Variants in SLC41A2 observed in about 807,000 individuals in gnomAD.
SLC41A2 encodes the protein SLC41A1-like 1.
A neutral mutation model predicts 58.3 loss-of-function variants in SLC41A2; 32 were observed. The ratio of observed to expected loss-of-function variants is 0.55; its 90% confidence interval spans 0.41 to 0.74. The LOEUF is 0.74. SLC41A2 is among the 30% of genes least tolerant of loss of function. The pLI is 0.00. For synonymous variants in SLC41A2, 190 were observed against 235.0 expected, an observed-to-expected ratio of 0.81 and a Z score of 1.75; for missense variants, 514 against 680.6, an observed-to-expected ratio of 0.76 and a Z score of 2.72.
intron 10 of SLC41A2, among the ~76,000 whole-genome samples, chr12:104,832,691 G>T (rs1024459332): frequency 3.3e-5 from 5 of 151,712 alleles, no homozygotes; most frequent in Non-Finnish European, 5.9e-5. Context: ...AACACTTCAC[G>T]CTATACCTGA....
In SLC41A2 at chr12:104,802,262, G is replaced by T. The variant is rs893873899; in HGVS notation, c.*2890C>A. Reference sequence around the variant, plus strand: ...AAAGTGGCTGATAAATTAGTGAAAAGGAAGAAGTTTGGAAAGCAGAAGTTT... The same window carrying T: ...AAAGTGGCTGATAAATTAGTGAAAATGAAGAAGTTTGGAAAGCAGAAGTTT... On this transcript the variant is annotated 3_prime_UTR_variant, in exon 11 of 11. Coordinates refer to ENST00000258538, the MANE Select transcript of SLC41A2 (RefSeq NM_001352171.3). Among the ~76,000 whole-genome samples, 5 of 152,282 alleles carry T rather than the reference G, an allele frequency of 3.3e-5. No homozygotes were observed. In the South Asian group the frequency reaches 1.0e-3, roughly 32 times the overall value.
At chr12:104,819,950 G>A (rs2041561616) in intron 10 of SLC41A2, among the ~76,000 whole-genome samples, 1 of 152,236 alleles carries the variant, frequency 6.6e-6, no homozygotes, top group Middle Eastern at 3.2e-3. Context: ...GGGAATAGCT[G>A]TGATGCTGTA....
At chr12:104,930,485 T>C (rs2047010395) in intron 1 of SLC41A2, among the ~76,000 whole-genome samples, 1 of 152,212 alleles carries the variant, frequency 6.6e-6, no homozygotes, top group South Asian at 2.1e-4. Flanking sequence ...TTTTAAAAAG[T>C]AGTGAGTATT....
At chr12:104,858,789 C>T (rs1319472576) in intron 8 of SLC41A2, among the ~76,000 whole-genome samples, 2 of 152,060 alleles carry the variant, frequency 1.3e-5, no homozygotes, top group Non-Finnish European at 2.9e-5. Context: ...TGATAGCCAA[C>T]TAAGAGGTTT....
At chr12:104,882,244 A>T (rs1469458010) in intron 6 of SLC41A2, among the ~76,000 whole-genome samples, 1 of 152,066 alleles carries the variant, frequency 6.6e-6, no homozygotes, top group African/African-American at 2.4e-5. Context: ...TGAATACAGC[A>T]CACTGATGGG....
chr12:104,925,496 T>C (rs910808130), intron 2 of SLC41A2, among the ~76,000 whole-genome samples: 1 of 151,976 alleles, frequency 6.6e-6, no homozygotes, highest in African/African-American at 2.4e-5. Context: ...AGGCGGAGTT[T>C]GCAGTGAGCC....
intron 1 of SLC41A2, among the ~76,000 whole-genome samples, chr12:104,943,766 A>G (rs1354859224): frequency 6.6e-6 from 1 of 152,208 alleles, no homozygotes; most frequent in African/African-American, 2.4e-5. Flanking sequence ...AGAATCCCTA[A>G]GCCTAGCTGG....
At chr12:104,951,511 C>T (rs2089598668) in intron 1 of SLC41A2, 1 of 152,026 alleles carries the variant, frequency 6.6e-6, no homozygotes, top group Admixed American at 6.5e-5. Context: ...CTGTTCGTAA[C>T]TTCTTTTACC....
At chr12:104,898,279 G>GT (rs373048297) in intron 3 of SLC41A2, among the ~76,000 whole-genome samples, 11 of 152,164 alleles carry the variant, frequency 7.2e-5, no homozygotes, top group African/African-American at 2.6e-4. Flanking sequence ...GCCATCTCTA[G>GT]TTTTTATAAT....
At chr12:104,890,441 T>C (rs1168444834) in intron 4 of SLC41A2, among the ~76,000 whole-genome samples, 3 of 152,220 alleles carry the variant, frequency 2.0e-5, no homozygotes, top group Non-Finnish European at 4.4e-5. Flanking sequence ...ATATAAATTC[T>C]AGCACTATGA....
chr12:104,881,478 A>G (rs2044367750), intron 6 of SLC41A2, among the ~76,000 whole-genome samples: 1 of 152,154 alleles, frequency 6.6e-6, no homozygotes, highest in Non-Finnish European at 1.5e-5. Flanking sequence ...CCCTCTACAC[A>G]TGGCTTTAAA....
At chr12:104,868,125 T>C (rs999544013) in intron 6 of SLC41A2, among the ~76,000 whole-genome samples, 1 of 152,230 alleles carries the variant, frequency 6.6e-6, no homozygotes, top group East Asian at 1.9e-4. Context: ...CATGATTTTT[T>C]AAAAGATGAA....
intron 10 of SLC41A2, among the ~76,000 whole-genome samples, chr12:104,811,558 G>T (rs1197942385): frequency 6.6e-6 from 1 of 152,138 alleles, no homozygotes; most frequent in Non-Finnish European, 1.5e-5. Flanking sequence ...CACAAGAAGG[G>T]ATAAACAGGA....
intron 1 of SLC41A2, among the ~76,000 whole-genome samples, chr12:104,943,541 G>A (rs969777126): frequency 1.3e-5 from 2 of 152,136 alleles, no homozygotes; most frequent in African/African-American, 4.8e-5. Flanking sequence ...GATCTACCAC[G>A]GACCCCTGGA....
chr12:104,868,134 A>T (rs1037028354), intron 6 of SLC41A2, among the ~76,000 whole-genome samples: 5 of 152,120 alleles, frequency 3.3e-5, no homozygotes, highest in Admixed American at 6.5e-5. Flanking sequence ...TTAAAAGATG[A>T]AAAAAACCTT....
chr12:104,943,185 A>G (rs928288573), intron 1 of SLC41A2, among the ~76,000 whole-genome samples: 2 of 152,240 alleles, frequency 1.3e-5, no homozygotes, highest in African/African-American at 4.8e-5. Context: ...TTTTAAGAGA[A>G]GAGAAAGGAA....
chr12:104,825,721 G>A (rs561750744), intron 10 of SLC41A2, among the ~76,000 whole-genome samples: 6 of 152,250 alleles, frequency 3.9e-5, no homozygotes, highest in Middle Eastern at 3.4e-3. Flanking sequence ...CAAGCTTCAG[G>A]CTGAAGCCCT....
At chr12:104,841,924 G>T (rs970306971) in intron 10 of SLC41A2, among the ~76,000 whole-genome samples, 1 of 152,216 alleles carries the variant, frequency 6.6e-6, no homozygotes, top group Admixed American at 6.5e-5. Flanking sequence ...TGTAGATGGG[G>T]AGAAATTCAG....
chr12:104,882,473 T>C (rs969107063), intron 6 of SLC41A2, among the ~76,000 whole-genome samples: 52 of 152,322 alleles, frequency 3.4e-4, no homozygotes, highest in Middle Eastern at 3.4e-3. Context: ...TTCCTTTCCA[T>C]GTTTAGTGCT....
Sources: allele counts gnomAD v4.1 joint callset (sites outside exome capture counted in the v4.1 genomes callset), GRCh38; gene constraint gnomAD v4.1.1; transcripts MANE v1.5; gene names NCBI Gene and HGNC (gene_info 2026-07-23, HGNC 2026-07-21).